The following DACH1 variants were observed in gnomAD, a reference collection of about 807,000 sequenced individuals.
DACH1 encodes the protein dachshund homolog 1.
Under a neutral mutation model 54.2 loss-of-function variants are expected in DACH1, and 12 were observed. The observed-to-expected ratio is 0.22, with a 90% confidence interval of 0.14 to 0.36. The LOEUF (loss-of-function observed/expected upper bound fraction) is 0.36. Among genes scored for constraint, DACH1 ranks in the 10% least tolerant of loss-of-function variants. DACH1 has a pLI of 1.00. For missense variants in DACH1, 805 were observed against 929.8 expected, an observed-to-expected ratio of 0.87 and a Z score of 1.75; for synonymous variants, 386 against 366.2, an observed-to-expected ratio of 1.05 and a Z score of -0.62.
chr13:71,587,271 A>G (rs1325144399), intron 3 of DACH1, among the ~76,000 whole-genome samples: 3 of 152,100 alleles, frequency 2.0e-5, no homozygotes, highest in Non-Finnish European at 4.4e-5. Context: ...ACATTACTAT[A>G]TTACTTTGCA....
At chr13:71,634,257 G>A (rs917811829) in intron 2 of DACH1, among the ~76,000 whole-genome samples, 8 of 152,224 alleles carry the variant, frequency 5.3e-5, no homozygotes, top group Middle Eastern at 3.4e-3. Context: ...ACAGGCATGA[G>A]CCACGGCACC....
At chr13:71,759,630 G>A (rs1008290625) in intron 1 of DACH1, among the ~76,000 whole-genome samples, 2 of 152,156 alleles carry the variant, frequency 1.3e-5, no homozygotes, top group African/African-American at 4.8e-5. Context: ...TTGAACTATA[G>A]TTGTCAAAAG....
At chr13:71,655,872 T>C (rs993679016) in intron 2 of DACH1, among the ~76,000 whole-genome samples, 1 of 152,166 alleles carries the variant, frequency 6.6e-6, no homozygotes, top group Non-Finnish European at 1.5e-5. Context: ...ATTTACAAAA[T>C]GTCAACATGG....
At chr13:71,550,251 C>T (rs1883721958) in intron 6 of DACH1, among the ~76,000 whole-genome samples, 1 of 152,086 alleles carries the variant, frequency 6.6e-6, no homozygotes, top group Admixed American at 6.6e-5. Flanking sequence ...TATTTATATG[C>T]ATCAAGCACT....
At chr13:71,847,192 C>A (rs915797860) in intron 1 of DACH1, among the ~76,000 whole-genome samples, 11 of 151,946 alleles carry the variant, frequency 7.2e-5, no homozygotes, top group African/African-American at 2.7e-4. Context: ...TGTAATATAC[C>A]TAAGAACTAG....
chr13:71,452,842 G>A (rs898651094), intron 10 of DACH1, among the ~76,000 whole-genome samples: 1 of 152,172 alleles, frequency 6.6e-6, no homozygotes, highest in East Asian at 1.9e-4. Flanking sequence ...CATATGCAAT[G>A]TGCATTTGTT....
intron 2 of DACH1, among the ~76,000 whole-genome samples, chr13:71,669,147 T>G (rs1366069595): frequency 6.6e-6 from 1 of 152,168 alleles, no homozygotes; most frequent in Non-Finnish European, 1.5e-5. Flanking sequence ...CAAAGTGTTT[T>G]GTGATCACAT....
intron 1 of DACH1, among the ~76,000 whole-genome samples, chr13:71,781,077 G>A (rs1286001389): frequency 2.6e-5 from 4 of 152,170 alleles, no homozygotes; most frequent in Non-Finnish European, 5.9e-5. Flanking sequence ...TGAGGCTGCA[G>A]TGAGCTATGA....
chr13:71,656,921 C>CAT (rs71123235), intron 2 of DACH1, among the ~76,000 whole-genome samples: 3,470 of 83,360 alleles, frequency 0.042, 120 homozygotes, highest in Middle Eastern at 0.076. Context: ...GTTCTTCTTT[C>CAT]ATATATATAT....
rs73503528 is a variant in DACH1, at chr13:71,824,509, G to A, written c.848+41413C>T. ...CATGAGTAATAATCACCCAGCACATGGCAGGGACTCAATGAGTATGTTCAG... is the reference window on the plus strand; with the variant it reads ...CATGAGTAATAATCACCCAGCACATAGCAGGGACTCAATGAGTATGTTCAG... On this transcript the variant is annotated intron_variant, in intron 1 of 10. Transcript: ENST00000613252. Among the ~76,000 whole-genome samples, 870 of 151,962 alleles carry A rather than the reference G, an allele frequency of 5.7e-3. 5 individuals carry two copies. The highest frequency in any genetic ancestry group is 0.02 in the African/African-American group (834 of 41,514).
At position 71,488,067 on chromosome 13, in the gene DACH1, C is replaced by T. The variant is rs1308440839; in HGVS notation, c.1722+930G>A. ...ATGAGAAGATATGTTACATTAAAGG[C>T]CTTCTGTTATGTCCTTGGAGAGGTA... On this transcript the variant is annotated intron_variant, in intron 7 of 10. Transcript: ENST00000613252. 2.0e-5 allele frequency among the ~76,000 whole-genome samples: 3 copies of T among 152,118 alleles called. No individual in the cohort carries two copies. In the South Asian group the frequency reaches 6.2e-4, roughly 32 times the overall value.
rs117458387 is a variant in DACH1, at chr13:71,474,856, C to T, written c.2083+285G>A. ...TTCCTGCATTAGACTGGGCTTCACACATTCAATAAAGCACATTTACTGTGT... is the reference window on the plus strand; with the variant it reads ...TTCCTGCATTAGACTGGGCTTCACATATTCAATAAAGCACATTTACTGTGT... On this transcript the variant is annotated intron_variant, in intron 10 of 10. Coordinates refer to ENST00000613252, the MANE Select transcript of DACH1 (RefSeq NM_080759.6). Among the ~76,000 whole-genome samples the T allele has an allele frequency of 3.4e-3, 519 of 152,298 alleles. 5 individuals are homozygous for T. Among genetic ancestry groups the T allele is most frequent in the Non-Finnish European group, 5.8e-3 (397 of 68,012 alleles).
chr13:71,597,582 A>T (rs909874511), intron 3 of DACH1, among the ~76,000 whole-genome samples: 1 of 152,064 alleles, frequency 6.6e-6, no homozygotes, highest in Non-Finnish European at 1.5e-5. Context: ...GGCTCTCATC[A>T]GTGCACCCTG....
At chr13:71,851,017 A>G (rs1380004744) in intron 1 of DACH1, among the ~76,000 whole-genome samples, 2 of 152,228 alleles carry the variant, frequency 1.3e-5, no homozygotes, top group Non-Finnish European at 2.9e-5. Flanking sequence ...GTGCTGTGAT[A>G]TGTACGTCCA....
chr13:71,550,377 G>A (rs1419532539), intron 6 of DACH1, among the ~76,000 whole-genome samples: 7 of 152,118 alleles, frequency 4.6e-5, no homozygotes, highest in African/African-American at 1.7e-4. Context: ...CCCTGAAGAA[G>A]TTTGGGCTGA....
chr13:71,564,042 C>T (rs11616455), intron 4 of DACH1, among the ~76,000 whole-genome samples: 5,325 of 151,916 alleles, frequency 0.035, 142 homozygotes, highest in South Asian at 0.054. Flanking sequence ...TACATTGTTG[C>T]ACAATAAATT....
At chr13:71,633,485 T>A (rs1252635507) in intron 2 of DACH1, among the ~76,000 whole-genome samples, 1 of 152,148 alleles carries the variant, frequency 6.6e-6, no homozygotes, top group African/African-American at 2.4e-5. Context: ...TTAAAAATAT[T>A]CTTTATGATT....
chr13:71,693,600 G>A (rs1881651262), intron 1 of DACH1, among the ~76,000 whole-genome samples: 1 of 151,200 alleles, frequency 6.6e-6, no homozygotes, highest in Admixed American at 6.6e-5. Context: ...TTACAGGCGT[G>A]AGCCACCGCG....
intron 1 of DACH1, among the ~76,000 whole-genome samples, chr13:71,839,562 A>C (rs915416289): frequency 2.0e-5 from 3 of 152,148 alleles, no homozygotes; most frequent in Admixed American, 2.0e-4. Flanking sequence ...AGCAGAGATC[A>C]TGCCACTGCA....
Sources: allele counts gnomAD v4.1 joint callset (sites outside exome capture counted in the v4.1 genomes callset), GRCh38; gene constraint gnomAD v4.1.1; transcripts MANE v1.5; gene names NCBI Gene and HGNC (gene_info 2026-07-23, HGNC 2026-07-21).